SLC17A4: variants seen among roughly 807,000 people sequenced by gnomAD.
The protein encoded by SLC17A4 is probable small intestine urate exporter.
SLC17A4 carries 33 observed loss-of-function variants against 52.5 expected under a neutral mutation model. That is an observed-to-expected ratio of 0.63 (90% CI 0.48 to 0.84). SLC17A4 has a LOEUF of 0.84. Ranked by LOEUF, SLC17A4 falls within the 40% of genes least tolerant of loss-of-function variation. SLC17A4 has a pLI of 0.00. For missense variants in SLC17A4, 585 were observed against 597.1 expected (o/e 0.98, Z 0.21); for synonymous variants, 225 against 216.2 (o/e 1.04, Z -0.36).
At chr6:25,769,993 G>C in intron 3 of SLC17A4, 74 bp from the exon 4 acceptor site, 1 of 1,284,174 alleles carries the variant, frequency 7.8e-7, no homozygotes, top group Non-Finnish European at 1.1e-6. Context: ...ATTAATTTTT[G>C]CCTCTCAAGT....
Position 25,776,836 on chromosome 6 carries a change from T to C in SLC17A4, c.1145T>C (p.Leu382Pro). ...GGGGTTCTCTTCCCATCCGTGATCCTCGTGTCCCTGCCCTGGGTCAGATCC... is the reference window on the plus strand; with the variant it reads ...GGGGTTCTCTTCCCATCCGTGATCCCCGTGTCCCTGCCCTGGGTCAGATCC... Reference protein sequence around the residue: ...AIGVLFPSVILVSLPWVRSSH... With the variant: ...AIGVLFPSVIPVSLPWVRSSH... Residue 382 changes from leucine to proline, a missense_variant, in exon 10 of 12, where the codon CTC (leucine) becomes CCC (proline). Leu to Pro is a moderately conservative substitution (Grantham distance 98, BLOSUM62 -3). Transcript: ENST00000377905. 1 of 1,614,032 alleles carries C rather than the reference T, an allele frequency of 6.2e-7. No individual in the cohort carries two copies. The highest frequency in any genetic ancestry group is 1.1e-5 in the South Asian group (1 of 91,084).
intron 8 of SLC17A4, among the ~76,000 whole-genome samples, chr6:25,774,291 C>T (rs1303999267): frequency 6.6e-6 from 1 of 152,174 alleles, no homozygotes; most frequent in Non-Finnish European, 1.5e-5. Context: ...AGGAGCCTTT[C>T]AATTCCTGCT....
Position 25,773,682 on chromosome 6 carries a change from C to G in SLC17A4, c.987+8C>G. The G allele has an allele frequency of 6.2e-7, 1 of 1,611,138 alleles. No individual in the cohort carries two copies. Among genetic ancestry groups the G allele is most frequent in the Non-Finnish European group, 8.5e-7 (1 of 1,178,604 alleles). ...CAAGCCAACCTCAGAGATGTAAGTA[C>G]AGAGAAAGCTCATTCTGATCTTCTG... On this transcript the variant is annotated splice_region_variant and intron_variant, in intron 8 of 11. Coordinates refer to ENST00000377905, the MANE Select transcript of SLC17A4 (RefSeq NM_005495.3).
intron 5 of SLC17A4, 78 bp from the exon 6 acceptor site, chr6:25,770,848 C>A: frequency 1.8e-6 from 2 of 1,105,974 alleles, no homozygotes; most frequent in Non-Finnish European, 2.8e-6. Context: ...ACTCACTGTG[C>A]AACTCAGCAT....
chr6:25,779,255 C>T lies in SLC17A4; in HGVS notation c.*67C>T. 2 of 1,590,654 alleles carry T rather than the reference C, an allele frequency of 1.3e-6. No homozygotes were observed. The highest frequency in any genetic ancestry group is 2.2e-5 in the East Asian group (1 of 44,482). ...ATTGTTTTCCCTCACAGACATTTCT[C>T]TTTCATGCCTGCTTGACTGATAAGC... On this transcript the variant is annotated 3_prime_UTR_variant, in exon 12 of 12. Coordinates refer to ENST00000377905, the MANE Select transcript of SLC17A4 (RefSeq NM_005495.3).
chr6:25,756,508 T>C (rs1354362490), intron 1 of SLC17A4, among the ~76,000 whole-genome samples: 2 of 152,178 alleles, frequency 1.3e-5, no homozygotes, highest in Non-Finnish European at 2.9e-5. Flanking sequence ...TCTTTTCATA[T>C]GTGCCCCTCC....
chr6:25,772,250 A>C (rs1030621673), intron 6 of SLC17A4, among the ~76,000 whole-genome samples: 2 of 152,180 alleles, frequency 1.3e-5, no homozygotes, highest in African/African-American at 4.8e-5. Context: ...GCATATACGC[A>C]ATAGAAACTC....
At position 25,776,665 on chromosome 6, in the gene SLC17A4, A is replaced by G. The variant is rs1762948164; in HGVS notation, c.1058A>G (p.Asp353Gly). Residue 353 changes from aspartate to glycine, a missense_variant, in exon 9 of 12, where the codon GAC becomes GGC. Asp to Gly is a moderately conservative substitution (Grantham distance 94, BLOSUM62 -1). Coordinates refer to ENST00000377905, the MANE Select transcript of SLC17A4 (RefSeq NM_005495.3). ...ATTATCCTTGGAGGTCTACTGGCAG[A>G]CTTTCTTCTCTCCAGAAAAATCCTC... ...ICIILGGLLA[D>G]FLLSRKILRL... 1 of 1,613,872 alleles carries G rather than the reference A, an allele frequency of 6.2e-7. No individual in the cohort carries two copies. The highest frequency in any genetic ancestry group is 8.5e-7 in the Non-Finnish European group (1 of 1,179,882).
chr6:25,761,973 G>T lies in SLC17A4; in HGVS notation c.11G>T (p.Gly4Val), dbSNP rs1393377783. 6.2e-7 allele frequency: 1 copy of T among 1,613,690 alleles called. No individual in the cohort carries two copies. The highest frequency in any genetic ancestry group is 1.1e-5 in the South Asian group (1 of 91,014). The change falls in exon 2 of 12, where the codon GGA becomes GTA. Residue 4 changes from glycine (G) to valine (V), a missense_variant. By Grantham distance (109) the Gly-to-Val change is moderately radical. Transcript: ENST00000377905. ...GAAGAGAGAACCAAAATGTCTACCGGACCAGATGTCAAGGCTACAGTGGGG... is the reference window on the plus strand; with the variant it reads ...GAAGAGAGAACCAAAATGTCTACCGTACCAGATGTCAAGGCTACAGTGGGG... MST[G>V]PDVKATVGDI... is the part of the protein sequence containing the mutation.
At chr6:25,775,798 T>C (rs1055930919) in intron 8 of SLC17A4, among the ~76,000 whole-genome samples, 1 of 152,202 alleles carries the variant, frequency 6.6e-6, no homozygotes, top group Non-Finnish European at 1.5e-5. Context: ...TGTATTCTTA[T>C]TTTCCCAACT....
At chr6:25,771,465 T>G (rs1013645845) in intron 6 of SLC17A4, among the ~76,000 whole-genome samples, 3 of 151,862 alleles carry the variant, frequency 2.0e-5, no homozygotes, top group Non-Finnish European at 4.4e-5. Context: ...TCCCAGCTAC[T>G]CGGGAGGCTG....
intron 6 of SLC17A4, among the ~76,000 whole-genome samples, chr6:25,772,637 G>A (rs1444418172): frequency 6.6e-6 from 1 of 152,104 alleles, no homozygotes; most frequent in South Asian, 2.1e-4. Flanking sequence ...TCTACAAATT[G>A]GGTAATTAAT....
intron 1 of SLC17A4, among the ~76,000 whole-genome samples, chr6:25,760,991 T>C (rs75616507): frequency 0.011 from 1,705 of 152,304 alleles, 18 homozygotes; most frequent in Non-Finnish European, 0.016. Flanking sequence ...TTTTGAGTGT[T>C]TATAATTTTT....
intron 1 of SLC17A4, among the ~76,000 whole-genome samples, chr6:25,756,647 C>T (rs543566560): frequency 1.4e-4 from 21 of 152,240 alleles, no homozygotes; most frequent in African/African-American, 3.6e-4. Flanking sequence ...AAACCATTAT[C>T]GCCTGTTACT....
rs183577336 is a variant in SLC17A4 at position 25,772,508 on chromosome 6, A to G, written c.707-767A>G. On this transcript the variant is annotated intron_variant, in intron 6 of 11. Transcript: ENST00000377905. Reference sequence around the variant, plus strand: ...CTCATAAGATTTCTTAAGATTCTAAAAAGGGAATTTGAAGATGGGCCATAT... The same window carrying G: ...CTCATAAGATTTCTTAAGATTCTAAGAAGGGAATTTGAAGATGGGCCATAT... 4.6e-3 allele frequency among the ~76,000 whole-genome samples: 697 copies of G among 152,332 alleles called. 5 individuals are homozygous for G. Among genetic ancestry groups the G allele is most frequent in the South Asian group, 0.013 (63 of 4,832 alleles).
At chr6:25,763,544 G>T (rs1436810722) in intron 2 of SLC17A4, among the ~76,000 whole-genome samples, 6 of 152,148 alleles carry the variant, frequency 3.9e-5, no homozygotes, top group Non-Finnish European at 5.9e-5. Context: ...CACTGCTGGG[G>T]CTTTCTCTGG....
At position 25,779,449 on chromosome 6, in the gene SLC17A4, G is replaced by A. The variant is rs1212161704; in HGVS notation, c.*261G>A. 2 of 354,406 alleles carry A rather than the reference G, an allele frequency of 5.6e-6. No individual in the cohort carries two copies. Among genetic ancestry groups the A allele is most frequent in the Non-Finnish European group, 1.0e-5 (2 of 199,852 alleles). The allele number at this position is 354,406 out of a possible 1,614,324, so 22.0% of individuals were successfully genotyped here. ...TGTTATCCTAGTAAAAGCATCAGGGGCTGGGGACAATTTCTTTCCAAAGCA... is the reference window on the plus strand; with the variant it reads ...TGTTATCCTAGTAAAAGCATCAGGGACTGGGGACAATTTCTTTCCAAAGCA... On this transcript the variant is annotated 3_prime_UTR_variant, in exon 12 of 12. Transcript: ENST00000377905.
chr6:25,763,172 C>T (rs1761697424), intron 2 of SLC17A4, among the ~76,000 whole-genome samples: 1 of 152,172 alleles, frequency 6.6e-6, no homozygotes, highest in Admixed American at 6.5e-5. Flanking sequence ...CTTCTATAGT[C>T]TCCTACAACA....
rs115057227 is a variant in SLC17A4, at chr6:25,760,171, T to C, written c.-36-1756T>C. ...AAGAAATAATAGGATCTGGTTCTTT[T>C]AATATCCATGTCCTTGATAGCAAAG... On this transcript the variant is annotated intron_variant, in intron 1 of 11. Coordinates refer to ENST00000377905, the MANE Select transcript of SLC17A4 (RefSeq NM_005495.3). Among the ~76,000 whole-genome samples the C allele has an allele frequency of 5.0e-3, 756 of 152,374 alleles. 5 individuals are homozygous for C. Among genetic ancestry groups the C allele is most frequent in the Non-Finnish European group, 7.6e-3 (514 of 68,034 alleles).
Sources: gnomAD v4.1 joint callset for allele counts (sites outside exome capture counted in the v4.1 genomes callset) on GRCh38, gnomAD v4.1.1 for gene constraint, MANE v1.5 for transcripts, NCBI Gene and HGNC (gene_info 2026-07-23, HGNC 2026-07-21) for gene names.